The following MRPS6 variants were observed in gnomAD, a reference collection of about 807,000 sequenced individuals.
MRPS6 encodes the protein small ribosomal subunit protein bS6m.
Under a neutral mutation model 13.1 loss-of-function variants are expected in MRPS6, and 6 were observed. The observed-to-expected ratio is 0.46, with a 90% CI of 0.25 to 0.91. MRPS6 has a LOEUF of 0.91. Among genes scored for constraint, MRPS6 ranks in the 40% least tolerant of loss-of-function variants. MRPS6 has a pLI of 0.18. For synonymous variants in MRPS6, 61 were observed against 56.5 expected (o/e 1.08, Z -0.36); for missense variants, 164 against 155.6 (o/e 1.05, Z -0.29).
intron 1 of MRPS6, among the ~76,000 whole-genome samples, chr21:34,116,185 T>C (rs1979894927): frequency 7.9e-6 from 1 of 126,500 alleles, no homozygotes; most frequent in Non-Finnish European, 1.6e-5. Flanking sequence ...ATTTTGTGTG[T>C]GTGTGTGTGT....
intron 1 of MRPS6, among the ~76,000 whole-genome samples, chr21:34,111,128 T>C (rs1979682021): frequency 6.6e-6 from 1 of 152,258 alleles, no homozygotes; most frequent in South Asian, 2.1e-4. Context: ...ACTGCAGTTT[T>C]CCACCATGCT....
At chr21:34,098,169 T>G (rs1203522457) in intron 1 of MRPS6, 1 of 999,896 alleles carries the variant, frequency 1.0e-6, no homozygotes, top group Non-Finnish European at 1.2e-6. Context: ...TTTATATAGT[T>G]TGGAAATGAC....
At chr21:34,100,310 A>G (rs2148661080) in intron 1 of MRPS6, 1 of 1,000,228 alleles carries the variant, frequency 1.0e-6, no homozygotes, top group African/African-American at 1.7e-5. Flanking sequence ...TGATTATTGC[A>G]TATTTTGTGG....
intron 1 of MRPS6, among the ~76,000 whole-genome samples, chr21:34,090,552 A>G (rs539715560): frequency 2.0e-5 from 3 of 152,336 alleles, no homozygotes; most frequent in East Asian, 3.9e-4. Flanking sequence ...CTTTCTATAT[A>G]TAAATAACTT....
intron 1 of MRPS6, among the ~76,000 whole-genome samples, chr21:34,118,997 C>G (rs1407351398): frequency 6.6e-6 from 1 of 152,146 alleles, no homozygotes; most frequent in South Asian, 2.1e-4. Flanking sequence ...CACATTTGAA[C>G]ATGTACTTAG....
intron 1 of MRPS6, among the ~76,000 whole-genome samples, chr21:34,075,100 CAA>C (rs1475472975): frequency 1.3e-5 from 2 of 152,198 alleles, no homozygotes; most frequent in Non-Finnish European, 2.9e-5. Context: ...GCAGTGAAAA[CAA>C]AGCATTATTA....
chr21:34,083,129 A>C (rs1165782083), intron 1 of MRPS6, among the ~76,000 whole-genome samples: 1 of 152,170 alleles, frequency 6.6e-6, no homozygotes, highest in Non-Finnish European at 1.5e-5. Context: ...TGGAGTGGTT[A>C]AGTGCTTTAA....
chr21:34,092,921 T>A (rs377103898), intron 1 of MRPS6, among the ~76,000 whole-genome samples: 6 of 152,200 alleles, frequency 3.9e-5, no homozygotes, highest in African/African-American at 1.2e-4. Flanking sequence ...ATGACTTGGA[T>A]GGCTGTTGGG....
At chr21:34,089,628 T>TCCA (rs1978577645) in intron 1 of MRPS6, among the ~76,000 whole-genome samples, 1 of 152,302 alleles carries the variant, frequency 6.6e-6, no homozygotes, top group South Asian at 2.1e-4. Flanking sequence ...GGAAATGGTT[T>TCCA]ACTTTGGAAA....
At chr21:34,120,861 A>G (rs571689269) in intron 1 of MRPS6, among the ~76,000 whole-genome samples, 61 of 152,342 alleles carry the variant, frequency 4.0e-4, no homozygotes, top group Admixed American at 9.8e-4. Flanking sequence ...CCTCAGTGTT[A>G]CAGTTACCAC....
At chr21:34,088,829 A>ATG (rs1414066623) in intron 1 of MRPS6, among the ~76,000 whole-genome samples, 2 of 152,094 alleles carry the variant, frequency 1.3e-5, no homozygotes, top group Non-Finnish European at 2.9e-5. Flanking sequence ...ATAAAACTAG[A>ATG]CACAGTACCT....
intron 2 of MRPS6, among the ~76,000 whole-genome samples, chr21:34,134,703 C>T (rs774326201): frequency 3.9e-5 from 6 of 152,052 alleles, no homozygotes; most frequent in Non-Finnish European, 7.4e-5. Context: ...CTTTCACTGT[C>T]GATTTTTTTC....
intron 2 of MRPS6, among the ~76,000 whole-genome samples, chr21:34,125,705 G>A (rs1420269133): frequency 2.0e-5 from 3 of 152,148 alleles, no homozygotes; most frequent in Non-Finnish European, 4.4e-5. Flanking sequence ...TAGGAGCAAA[G>A]GGCTTACCAA....
At chr21:34,142,346 C>T (rs1349123321) in intron 2 of MRPS6, 62 bp from the exon 3 acceptor site, 1 of 1,513,868 alleles carries the variant, frequency 6.6e-7, no homozygotes, top group East Asian at 2.3e-5. Context: ...GAAACACTGA[C>T]CAAAATAGTA....
At chr21:34,141,419 C>T (rs1038903865) in intron 2 of MRPS6, among the ~76,000 whole-genome samples, 1 of 152,028 alleles carries the variant, frequency 6.6e-6, no homozygotes, top group Non-Finnish European at 1.5e-5. Context: ...GACATTTGGA[C>T]AGAGACATGA....
At chr21:34,120,736 TTTAA>T (rs540325525) in intron 1 of MRPS6, among the ~76,000 whole-genome samples, 27 of 152,330 alleles carry the variant, frequency 1.8e-4, no homozygotes, top group Non-Finnish European at 2.4e-4. Flanking sequence ...GTATAAAATA[TTTAA>T]TTAATTTCAC....
intron 2 of MRPS6, among the ~76,000 whole-genome samples, chr21:34,141,564 C>G (rs1437422734): frequency 6.6e-6 from 1 of 152,102 alleles, no homozygotes; most frequent in Non-Finnish European, 1.5e-5. Context: ...ACAAGGCAAG[C>G]GATGACGAAA....
chr21:34,125,378 C>G lies in MRPS6; in HGVS notation c.83C>G (p.Ala28Gly). ...TAATLKRTIE[A>G]LMDRGAIVRD... ...GCTACTTTGAAACGTACGATAGAGGCCCTGATGGACAGAGGAGCAATAGTG... is the reference window on the plus strand; with the variant it reads ...GCTACTTTGAAACGTACGATAGAGGGCCTGATGGACAGAGGAGCAATAGTG... The change falls in exon 2 of 3, where the codon GCC becomes GGC. Residue 28 changes from alanine to glycine, a missense_variant. Transcript: ENST00000399312. The G allele has an allele frequency of 1.2e-6, 2 of 1,613,920 alleles. No individual in the cohort carries two copies. The highest frequency in any genetic ancestry group is 1.7e-6 in the Non-Finnish European group (2 of 1,179,906).
At chr21:34,117,614 T>C (rs940522173) in intron 1 of MRPS6, among the ~76,000 whole-genome samples, 1 of 152,192 alleles carries the variant, frequency 6.6e-6, no homozygotes, top group African/African-American at 2.4e-5. Context: ...TTGGACATAC[T>C]TGTCTTGAGG....
Sources: gnomAD v4.1 joint callset for allele counts (sites outside exome capture counted in the v4.1 genomes callset) on GRCh38, gnomAD v4.1.1 for gene constraint, MANE v1.5 for transcripts, NCBI Gene and HGNC (gene_info 2026-07-23, HGNC 2026-07-21) for gene names.